Variants in SKAP2 observed in about 807,000 individuals in gnomAD.
SKAP2 encodes the protein src kinase associated phosphoprotein 2.
In SKAP2, 28 loss-of-function variants were observed where a neutral mutation model predicts 54.9. The ratio of observed to expected loss-of-function variants is 0.51; its 90% confidence interval spans 0.38 to 0.70. SKAP2 has a LOEUF of 0.70. SKAP2 is among the 30% of genes least tolerant of loss of function. The pLI is 0.00. For missense variants in SKAP2, 356 were observed against 424.1 expected, an observed-to-expected ratio of 0.84 and a Z score of 1.41; for synonymous variants, 137 against 134.3, an observed-to-expected ratio of 1.02 and a Z score of -0.14.
chr7:26,720,629 C>T (rs902167349), intron 9 of SKAP2, among the ~76,000 whole-genome samples: 12 of 152,254 alleles, frequency 7.9e-5, no homozygotes, highest in African/African-American at 2.6e-4. Context: ...TTAATTGACT[C>T]ACAGTTTAGC....
chr7:26,689,784 G>A (rs1786741327), intron 10 of SKAP2, among the ~76,000 whole-genome samples: 1 of 152,170 alleles, frequency 6.6e-6, no homozygotes, highest in Non-Finnish European at 1.5e-5. Flanking sequence ...GTCAGAGCCT[G>A]TGTCAAGTTG....
At chr7:26,857,847 G>C (rs1785205094) in intron 1 of SKAP2, 2 of 525,124 alleles carry the variant, frequency 3.8e-6, no homozygotes. Flanking sequence ...GCTTCTTATT[G>C]TGCTCTAAAT....
At chr7:26,735,210 T>C (rs1302353644) in intron 6 of SKAP2, among the ~76,000 whole-genome samples, 1 of 152,002 alleles carries the variant, frequency 6.6e-6, no homozygotes, top group South Asian at 2.1e-4. Flanking sequence ...CCTGAAAAAA[T>C]ATTTATCAAA....
At chr7:26,765,486 G>A (rs572914262) in intron 4 of SKAP2, among the ~76,000 whole-genome samples, 23 of 152,214 alleles carry the variant, frequency 1.5e-4, no homozygotes, top group Middle Eastern at 3.4e-3. Flanking sequence ...GATCCCATTT[G>A]TCAACTTTGG....
At position 26,854,713 on chromosome 7, in the gene SKAP2, T is replaced by C; in HGVS notation, c.173+72A>G. The C allele has an allele frequency of 2.8e-6, 4 of 1,422,824 alleles. No homozygotes were observed. The South Asian group carries it at 5.2e-5, about 18-fold the overall frequency. 88.1% of individuals were successfully genotyped at this position (1,422,824 alleles called of 1,614,324 possible). Reference sequence around the variant, plus strand: ...AAAAATTTAACTCCATAATAATCGATTTCTTATTAAAATGTTAGTTACAAA... The same window carrying C: ...AAAAATTTAACTCCATAATAATCGACTTCTTATTAAAATGTTAGTTACAAA... On this transcript the variant is annotated intron_variant, in intron 2 of 12. Coordinates refer to ENST00000345317, the MANE Select transcript of SKAP2 (RefSeq NM_003930.5).
Position 26,763,126 on chromosome 7 carries a change from T to A in SKAP2, c.308-23162A>T, listed in dbSNP as rs548100168. ...TCAGGTTTCTATAAATATTTTCAAT[T>A]ATATTTTAATAATACCAAATATTTA... On this transcript the variant is annotated intron_variant, in intron 4 of 12. Coordinates refer to ENST00000345317, the MANE Select transcript of SKAP2 (RefSeq NM_003930.5). 1.6e-4 allele frequency among the ~76,000 whole-genome samples: 24 copies of A among 152,288 alleles called. No individual in the cohort carries two copies. In the South Asian group the frequency reaches 3.7e-3, roughly 24 times the overall value.
chr7:26,794,954 G>A (rs986075503), intron 4 of SKAP2, among the ~76,000 whole-genome samples: 1 of 152,182 alleles, frequency 6.6e-6, no homozygotes, highest in Non-Finnish European at 1.5e-5. Context: ...TGCTGGCTCT[G>A]GGTCTCTTCT....
intron 9 of SKAP2, among the ~76,000 whole-genome samples, chr7:26,693,506 A>C (rs1056172874): frequency 6.6e-6 from 1 of 152,112 alleles, no homozygotes; most frequent in African/African-American, 2.4e-5. Flanking sequence ...TTAAAACTTA[A>C]GTGCCAGTAA....
At chr7:26,732,735 T>G (rs932710239) in intron 6 of SKAP2, among the ~76,000 whole-genome samples, 1 of 152,208 alleles carries the variant, frequency 6.6e-6, no homozygotes, top group African/African-American at 2.4e-5. Flanking sequence ...TATATGAACA[T>G]TCTCCTTTGG....
At chr7:26,806,924 A>C (rs1278481131) in intron 4 of SKAP2, among the ~76,000 whole-genome samples, 1 of 152,232 alleles carries the variant, frequency 6.6e-6, no homozygotes, top group Non-Finnish European at 1.5e-5. Context: ...AGGAGTTTGG[A>C]AGAAGCTGAT....
At chr7:26,853,433 T>C (rs542950836) in intron 3 of SKAP2, among the ~76,000 whole-genome samples, 4 of 152,102 alleles carry the variant, frequency 2.6e-5, no homozygotes, top group Non-Finnish European at 5.9e-5. Flanking sequence ...AAGAATTGAA[T>C]ATATAAAGTA....
chr7:26,741,449 G>A (rs994061366), intron 4 of SKAP2, among the ~76,000 whole-genome samples: 3 of 151,922 alleles, frequency 2.0e-5, no homozygotes, highest in Admixed American at 1.3e-4. Flanking sequence ...GGGGTCTGAG[G>A]TGGGAGGATC....
At chr7:26,683,855 T>G (rs1198001009) in intron 11 of SKAP2, among the ~76,000 whole-genome samples, 2 of 152,204 alleles carry the variant, frequency 1.3e-5, no homozygotes, top group Non-Finnish European at 2.9e-5. Context: ...AATATTTCTC[T>G]AATCAAGAAA....
Position 26,862,866 on chromosome 7 carries a change from A to C in SKAP2, c.67+1497T>G, listed in dbSNP as rs143173835. ...AAAATACAGACATAGAATATCCTGA[A>C]AATGGTTTCATCTATTTTTGGAATA... On this transcript the variant is annotated intron_variant, in intron 1 of 12. Coordinates refer to ENST00000345317, the MANE Select transcript of SKAP2 (RefSeq NM_003930.5). Among the ~76,000 whole-genome samples, 76 of 152,256 alleles carry C rather than the reference A, an allele frequency of 5.0e-4. 1 individual carries two copies. The East Asian group carries it at 0.012, about 24-fold the overall frequency.
chr7:26,683,374 G>T (rs1383329794), intron 11 of SKAP2, among the ~76,000 whole-genome samples: 1 of 152,172 alleles, frequency 6.6e-6, no homozygotes, highest in Non-Finnish European at 1.5e-5. Flanking sequence ...GGGAACAACA[G>T]TAACAAAAAC....
intron 1 of SKAP2, among the ~76,000 whole-genome samples, chr7:26,861,438 A>G (rs926065470): frequency 6.6e-6 from 1 of 152,110 alleles, no homozygotes; most frequent in Non-Finnish European, 1.5e-5. Context: ...TTTGCTTTCA[A>G]CAACGAAATT....
chr7:26,830,048 A>T (rs1284084651), intron 4 of SKAP2, among the ~76,000 whole-genome samples: 1 of 152,222 alleles, frequency 6.6e-6, no homozygotes, highest in Admixed American at 6.5e-5. Context: ...CACAGGAAGC[A>T]TTATCGGGCC....
intron 4 of SKAP2, among the ~76,000 whole-genome samples, chr7:26,831,479 C>A (rs975310363): frequency 2.6e-5 from 4 of 152,074 alleles, no homozygotes; most frequent in Non-Finnish European, 5.9e-5. Flanking sequence ...AGAAGTTAGA[C>A]AACACTCACA....
intron 4 of SKAP2, among the ~76,000 whole-genome samples, chr7:26,771,220 T>G (rs1783182261): frequency 6.6e-6 from 1 of 152,296 alleles, no homozygotes; most frequent in South Asian, 2.1e-4. Context: ...TAATAAAGGT[T>G]TTAGATGATA....
Sources: allele counts gnomAD v4.1 joint callset (sites outside exome capture counted in the v4.1 genomes callset), GRCh38; gene constraint gnomAD v4.1.1; transcripts MANE v1.5; gene names NCBI Gene and HGNC (gene_info 2026-07-23, HGNC 2026-07-21).